SEC24B: variants seen among roughly 807,000 people sequenced by gnomAD.
SEC24B encodes SEC24 homolog B, COPII component.
SEC24B carries 45 observed loss-of-function variants against 142.8 expected under a neutral mutation model. The ratio of observed to expected loss-of-function variants is 0.32; its 90% CI spans 0.25 to 0.40. SEC24B has a LOEUF of 0.40. SEC24B is among the 10% of genes least tolerant of loss of function. The pLI is 1.00. For missense variants in SEC24B, 1,409 were observed against 1,526.8 expected (o/e 0.92, Z 1.29); for synonymous variants, 574 against 568.2 (o/e 1.01, Z -0.15).
intron 1 of SEC24B, among the ~76,000 whole-genome samples, chr4:109,461,038 G>A (rs1731203716): frequency 6.6e-6 from 1 of 152,016 alleles, no homozygotes; most frequent in South Asian, 2.1e-4. Flanking sequence ...CAGTAACCTG[G>A]GGGAAATACT....
Position 109,453,636 on chromosome 4 carries a change from A to G in SEC24B, c.134-9265A>G, listed in dbSNP as rs185045083. On this transcript the variant is annotated intron_variant, in intron 1 of 23. Coordinates refer to ENST00000265175, the MANE Select transcript of SEC24B (RefSeq NM_006323.5). ...CTGTTATCCTGTTCTTAAGGTGCCC[A>G]GATTTCATATTGTTTAAACACATAT... Among the ~76,000 whole-genome samples the G allele has an allele frequency of 8.6e-3, 1,309 of 152,190 alleles. 24 individuals are homozygous for G. The highest frequency in any genetic ancestry group is 0.03 in the African/African-American group (1,250 of 41,522).
chr4:109,525,498 A>G lies in SEC24B; in HGVS notation c.2785A>G (p.Thr929Ala). Reference protein sequence around the residue: ...GFEAVMRIRCTKGLSMHTFHG... With the variant: ...GFEAVMRIRCAKGLSMHTFHG... ...TGAAGCTGTTATGAGAATAAGGTGT[A>G]CTAAAGGTATGAAGTTGTAAAAGTT... Residue 929 changes from threonine (T) to alanine (A), a missense_variant, in exon 16 of 24, where the codon ACT (threonine) becomes GCT (alanine). Physicochemically the swap from Thr to Ala is moderately conservative, Grantham distance 58 (BLOSUM62 0). This residue lies in a region of SEC24B where 700 missense variants were observed against 853.3 expected (regional missense o/e 0.82). Transcript: ENST00000265175. The G allele has an allele frequency of 6.3e-7, 1 of 1,598,790 alleles. No homozygotes were observed. The highest frequency in any genetic ancestry group is 8.5e-7 in the Non-Finnish European group (1 of 1,173,768).
At position 109,530,469 on chromosome 4, in the gene SEC24B, CT is replaced by C. The variant is rs779493284; in HGVS notation, c.3252+10del. 2.5e-6 allele frequency: 4 copies of C among 1,607,918 alleles called. No individual in the cohort carries two copies. Among genetic ancestry groups the C allele is most frequent in the Non-Finnish European group, 3.4e-6 (4 of 1,176,154 alleles). On this transcript the variant is annotated splice_donor_region_variant and intron_variant, in intron 19 of 23. Transcript: ENST00000265175. Reference sequence around the variant, plus strand: ...GTTTTGGCCCTTCTCAAACAGGTAGCTTTTTATACATTGCTATATTTAATAT... The same window carrying C: ...GTTTTGGCCCTTCTCAAACAGGTAGCTTTTATACATTGCTATATTTAATAT...
At chr4:109,440,330 A>T (rs1269187113) in intron 1 of SEC24B, among the ~76,000 whole-genome samples, 1 of 152,112 alleles carries the variant, frequency 6.6e-6, no homozygotes, top group African/African-American at 2.4e-5. Context: ...ATTTCATGTT[A>T]CTTTATCTTT....
At chr4:109,459,327 A>G (rs1365618906) in intron 1 of SEC24B, among the ~76,000 whole-genome samples, 1 of 152,230 alleles carries the variant, frequency 6.6e-6, no homozygotes, top group East Asian at 1.9e-4. Context: ...CACTAGCTGT[A>G]CATGGCTGTT....
chr4:109,454,763 T>C (rs1578784409), intron 1 of SEC24B, among the ~76,000 whole-genome samples: 1 of 152,298 alleles, frequency 6.6e-6, no homozygotes, highest in East Asian at 1.9e-4. Flanking sequence ...AAAAATATTA[T>C]TCTAACTTTC....
At position 109,539,892 on chromosome 4, in the gene SEC24B, G is replaced by A; in HGVS notation, c.*217G>A. The A allele has an allele frequency of 1.9e-6, 1 of 519,360 alleles. No individual in the cohort carries two copies. The highest frequency in any genetic ancestry group is 3.4e-6 in the Non-Finnish European group (1 of 296,032). 32.2% of individuals were successfully genotyped at this position (519,360 alleles called of 1,614,324 possible). A position where few individuals can be genotyped will look rare whatever the true frequency, so the allele number is the denominator to read the frequency against. ...GGTAACGATGATGCTGTTTCACCAA[G>A]TATATTTTGAATTGGTTTCTACACA... On this transcript the variant is annotated 3_prime_UTR_variant, in exon 24 of 24. Coordinates refer to ENST00000265175, the MANE Select transcript of SEC24B (RefSeq NM_006323.5).
rs537274678 is a variant in SEC24B, at chr4:109,461,352, G to C, written c.134-1549G>C. ...TCAATTTTAAAAACATAAACCTTTTGAACTTCCAGTTTGACTTCTAGAAAT... is the reference window on the plus strand; with the variant it reads ...TCAATTTTAAAAACATAAACCTTTTCAACTTCCAGTTTGACTTCTAGAAAT... On this transcript the variant is annotated intron_variant, in intron 1 of 23. Coordinates refer to ENST00000265175, the MANE Select transcript of SEC24B (RefSeq NM_006323.5). Among the ~76,000 whole-genome samples, 4 of 152,234 alleles carry C rather than the reference G, an allele frequency of 2.6e-5. No individual in the cohort carries two copies. The South Asian group carries it at 8.3e-4, about 32-fold the overall frequency.
intron 3 of SEC24B, among the ~76,000 whole-genome samples, chr4:109,480,077 A>G (rs1380719037): frequency 6.6e-6 from 1 of 152,094 alleles, no homozygotes; most frequent in Non-Finnish European, 1.5e-5. Context: ...GGATACTGCT[A>G]TTTTACCGAT....
Position 109,506,423 on chromosome 4 carries a change from T to G in SEC24B, c.1584T>G (p.Thr528=). 1 of 1,610,646 alleles carries G rather than the reference T, an allele frequency of 6.2e-7. No individual in the cohort carries two copies. Among genetic ancestry groups the G allele is most frequent in the Non-Finnish European group, 8.5e-7 (1 of 1,178,076 alleles). The change falls in exon 7 of 24, where the codon ACT becomes ACG. Residue 528 remains threonine, a synonymous_variant. Transcript: ENST00000265175. The part of the protein sequence containing the change: ...QPESLRPVNL[T]QERNILPMTP... ...AAAGCCTGAGACCTGTAAACCTTACTCAGGAGAGGAATATTTTACCTATGA... is the reference window on the plus strand; with the variant it reads ...AAAGCCTGAGACCTGTAAACCTTACGCAGGAGAGGAATATTTTACCTATGA...
chr4:109,513,646 C>A, intron 9 of SEC24B, 101 bp from the exon 10 acceptor site: 1 of 700,964 alleles, frequency 1.4e-6, no homozygotes, highest in Non-Finnish European at 2.6e-6. Context: ...TGTTGCTAAA[C>A]CTCGTGTAAA....
At chr4:109,461,891 T>C (rs1169888560) in intron 1 of SEC24B, among the ~76,000 whole-genome samples, 2 of 152,150 alleles carry the variant, frequency 1.3e-5, no homozygotes, top group Non-Finnish European at 2.9e-5. Flanking sequence ...GGAGAGTCAC[T>C]TGACTCTAGG....
At chr4:109,442,750 TTC>T (rs1382270437) in intron 1 of SEC24B, among the ~76,000 whole-genome samples, 1 of 152,184 alleles carries the variant, frequency 6.6e-6, no homozygotes. Context: ...GGTTTTTGTT[TTC>T]TCTCTTCATT....
At chr4:109,483,158 C>G (rs889589452) in intron 4 of SEC24B, among the ~76,000 whole-genome samples, 2 of 149,782 alleles carry the variant, frequency 1.3e-5, no homozygotes, top group Non-Finnish European at 3.0e-5. Context: ...CGGCTCACTG[C>G]AAGCTGCACC....
At chr4:109,471,710 T>C (rs1319316494) in intron 2 of SEC24B, among the ~76,000 whole-genome samples, 2 of 152,130 alleles carry the variant, frequency 1.3e-5, no homozygotes, top group African/African-American at 4.8e-5. Flanking sequence ...TGTCTAGCAG[T>C]TGGTGCAGAC....
At position 109,530,360 on chromosome 4, in the gene SEC24B, T is replaced by A. The variant is rs1465469084; in HGVS notation, c.3148T>A (p.Leu1050Met). The A allele has an allele frequency of 1.2e-6, 2 of 1,614,012 alleles. No homozygotes were observed. Among genetic ancestry groups the A allele is most frequent in the African/African-American group, 1.3e-5 (1 of 74,942 alleles). Residue 1050 changes from leucine to methionine, a missense_variant, in exon 19 of 24, where the codon TTG becomes ATG. Around this residue, in one of 2 missense-constraint regions of SEC24B, gnomAD observed 700 missense variants for 853.3 expected, o/e 0.82. Transcript: ENST00000265175. The stretch of plus-strand genomic sequence containing the variant: ...CTTAGTGAATGCTGTAGTGGACTCA[T>A]TGTCTGCATATGGCTCAACTGTCTC... ...DALVNAVVDSLSAYGSTVSNL... is the reference protein window; with the variant it reads ...DALVNAVVDSMSAYGSTVSNL...
chr4:109,481,606 G>A (rs1733744748), intron 3 of SEC24B, 71 bp from the exon 4 acceptor site: 1 of 1,024,792 alleles, frequency 9.8e-7, no homozygotes, highest in African/African-American at 1.6e-5. Flanking sequence ...CACTTTTAAT[G>A]CAATGTCAAA....
intron 4 of SEC24B, among the ~76,000 whole-genome samples, chr4:109,488,137 C>T (rs991460168): frequency 2.0e-5 from 3 of 151,970 alleles, no homozygotes; most frequent in African/African-American, 7.2e-5. Flanking sequence ...ATAAAATTCA[C>T]CTATTTAAGT....
intron 21 of SEC24B, 149 bp from the exon 22 acceptor site, chr4:109,533,444 T>TAC (rs1213131221): frequency 4.8e-6 from 3 of 630,768 alleles, no homozygotes; most frequent in African/African-American, 3.7e-5. Context: ...TCTGGATTCT[T>TAC]ACATATAGAT....
Sources: gnomAD v4.1 joint callset for allele counts (sites outside exome capture counted in the v4.1 genomes callset) on GRCh38, gnomAD v4.1.1 for gene constraint, gnomAD v4.1.1 regional missense constraint, MANE v1.5 for transcripts, NCBI Gene and HGNC (gene_info 2026-07-23, HGNC 2026-07-21) for gene names.